SEC14L5: variants seen among roughly 807,000 people sequenced by gnomAD.
SEC14L5 encodes SEC14-like protein 5.
SEC14L5 carries 96 observed loss-of-function variants against 84.6 expected under a neutral mutation model. The ratio of observed to expected loss-of-function variants is 1.13; its 90% CI spans 0.96 to 1.34. SEC14L5 has a LOEUF of 1.34. SEC14L5 is among the 40% of genes most tolerant of loss of function. The probability of loss-of-function intolerance (pLI) is 0.00; values close to 1 mark genes in which losing one functional copy is unlikely to be tolerated. For synonymous variants in SEC14L5, 546 were observed against 383.4 expected, an observed-to-expected ratio of 1.42 and a Z score of -4.95; for missense variants, 1,224 against 942.5, an observed-to-expected ratio of 1.30 and a Z score of -3.91.
In SEC14L5 at chr16:5,008,470, A is replaced by G; in HGVS notation, c.1622A>G (p.Asp541Gly). The G allele has an allele frequency of 6.2e-7, 1 of 1,613,456 alleles. No homozygotes were observed. The highest frequency in any genetic ancestry group is 8.5e-7 in the Non-Finnish European group (1 of 1,179,758). ...GAGTCGGTCATCACCTGGGACTTTGACATCCTGCGAGGGGACGTGGTGTTC... is the reference window on the plus strand; with the variant it reads ...GAGTCGGTCATCACCTGGGACTTTGGCATCCTGCGAGGGGACGTGGTGTTC... Reference protein sequence around the residue: ...EGESVITWDFDILRGDVVFSL... With the variant: ...EGESVITWDFGILRGDVVFSL... Residue 541 changes from aspartate (D) to glycine (G), a missense_variant, in exon 14 of 16, where the codon GAC (aspartate) becomes GGC (glycine). Asp to Gly is a moderately conservative substitution (Grantham distance 94). Coordinates refer to ENST00000251170, the MANE Select transcript of SEC14L5 (RefSeq NM_014692.2).
At chr16:5,000,556 C>A (rs1955663409) in intron 8 of SEC14L5, 99 bp from the exon 9 acceptor site, 2 of 894,820 alleles carry the variant, frequency 2.2e-6, no homozygotes, top group Non-Finnish European at 1.8e-6. Context: ...TGGGTTGCAG[C>A]CTGAGGAGGT....
chr16:4,996,404 C>T lies in SEC14L5; in HGVS notation c.724C>T (p.Gln242Ter). 6.4e-7 allele frequency: 1 copy of T among 1,573,840 alleles called. No homozygotes were observed. The highest frequency in any genetic ancestry group is 1.2e-5 in the South Asian group (1 of 85,146). The change falls in exon 7 of 16, where the codon CAG (glutamine) becomes TAG (stop). Residue 242 changes from glutamine (Q) to a stop codon, truncating the protein, a stop_gained. Coordinates refer to ENST00000251170, the MANE Select transcript of SEC14L5 (RefSeq NM_014692.2). LOFTEE classifies it high-confidence loss of function. The stretch of plus-strand genomic sequence containing the variant: ...GTGCCTGGGCCACCTCACGCCCATG[C>T]AGGAGAGCTGCCTGATCCAGCTTCG... ...ERCLGHLTPMQESCLIQLRHW... is the reference protein window; with the variant it reads ...ERCLGHLTPM
At chr16:4,979,729 C>G (rs917037495) in intron 2 of SEC14L5, among the ~76,000 whole-genome samples, 1 of 6,136 alleles carries the variant, frequency 1.6e-4, no homozygotes, top group African/African-American at 1.8e-4. Context: ...TTTTCTTGCT[C>G]CTGTCATTTT....
chr16:4,989,332 T>G (rs929306999), intron 4 of SEC14L5, among the ~76,000 whole-genome samples: 4 of 150,364 alleles, frequency 2.7e-5, no homozygotes, highest in Admixed American at 6.6e-5. Context: ...GTTTTGTTTT[T>G]TTTTTTGTTT....
chr16:4,960,655 T>A (rs1280194061), intron 2 of SEC14L5: 1 of 152,166 alleles, frequency 6.6e-6, no homozygotes, highest in African/African-American at 2.4e-5. Context: ...ACGAGCTGAG[T>A]GACTGTGGGG....
chr16:4,978,036 A>T (rs1272951193), intron 2 of SEC14L5, among the ~76,000 whole-genome samples: 4 of 148,534 alleles, frequency 2.7e-5, no homozygotes, highest in Admixed American at 2.0e-4. Context: ...TCCTGGCCTC[A>T]AGTGATCCAC....
intron 2 of SEC14L5, among the ~76,000 whole-genome samples, chr16:4,979,125 A>G (rs1955388053): frequency 6.6e-6 from 1 of 152,198 alleles, no homozygotes; most frequent in South Asian, 2.1e-4. Flanking sequence ...GGAGACAGAC[A>G]CATTTTCAAA....
rs180872935 is a variant in SEC14L5 at position 5,016,714 on chromosome 16, A to G, written c.*1744A>G. 26 of 152,338 alleles carry G rather than the reference A, an allele frequency of 1.7e-4. No individual in the cohort carries two copies. In the East Asian group the frequency reaches 4.4e-3, roughly 26 times the overall value. 9.4% of individuals were successfully genotyped at this position (152,338 alleles called of 1,614,324 possible). A position where few individuals can be genotyped will look rare whatever the true frequency, so the allele number is the denominator to read the frequency against. On this transcript the variant is annotated 3_prime_UTR_variant, in exon 16 of 16. Transcript: ENST00000251170. ...GAATCATCTTTATGCAGGCTCAGCA[A>G]TGCAGGGCCAGGAAACTTATATCTA...
At chr16:4,987,528 A>T in intron 2 of SEC14L5, 29 bp from the exon 3 acceptor site, 1 of 1,377,382 alleles carries the variant, frequency 7.3e-7, no homozygotes, top group Non-Finnish European at 9.7e-7. Flanking sequence ...CCCCCCCACC[A>T]CGGCCGCTCA....
Position 4,982,885 on chromosome 16 carries a change from C to T in SEC14L5, c.64-4672C>T, listed in dbSNP as rs567574213. The stretch of plus-strand genomic sequence containing the variant: ...GTGCTGTCAGCCAGGGTGAGACCCT[C>T]TAATGGCTCACAGGAAGCACATTAC... On this transcript the variant is annotated intron_variant, in intron 2 of 15. Coordinates refer to ENST00000251170, the MANE Select transcript of SEC14L5 (RefSeq NM_014692.2). Among the ~76,000 whole-genome samples, 68 of 152,188 alleles carry T rather than the reference C, an allele frequency of 4.5e-4. 4 individuals are homozygous for T. In the South Asian group the frequency reaches 0.013, roughly 29 times the overall value.
At chr16:4,983,912 ATAAATAG>A (rs1375587180) in intron 2 of SEC14L5, among the ~76,000 whole-genome samples, 2 of 144,042 alleles carry the variant, frequency 1.4e-5, no homozygotes, top group Admixed American at 1.4e-4. Flanking sequence ...AAATAAATAA[ATAAATAG>A]TATATGTATA....
At chr16:4,968,974 G>C (rs1472502132) in intron 2 of SEC14L5, among the ~76,000 whole-genome samples, 1 of 152,236 alleles carries the variant, frequency 6.6e-6, no homozygotes, top group Non-Finnish European at 1.5e-5. Context: ...TTGTGGCTTA[G>C]GCCAAAAGCA....
chr16:4,980,427 C>G (rs1955407734), intron 2 of SEC14L5, among the ~76,000 whole-genome samples: 1 of 152,166 alleles, frequency 6.6e-6, no homozygotes, highest in Non-Finnish European at 1.5e-5. Context: ...CCAGACCGGG[C>G]CTTTCTAACA....
Position 5,014,943 on chromosome 16 carries a change from T to G in SEC14L5, c.2064T>G (p.Ser688=). 6.2e-7 allele frequency: 1 copy of G among 1,611,998 alleles called. No homozygotes were observed. The highest frequency in any genetic ancestry group is 8.5e-7 in the Non-Finnish European group (1 of 1,179,824). ...AATSSSSSGQ[S]HSSSLVSR Reference sequence around the variant, plus strand: ...CCTCGTCCTCCTCCTCCGGCCAGTCTCATAGCAGCTCCCTGGTCTCCAGAT... The same window carrying G: ...CCTCGTCCTCCTCCTCCGGCCAGTCGCATAGCAGCTCCCTGGTCTCCAGAT... The change falls in exon 16 of 16, where the codon TCT becomes TCG. Residue 688 remains serine (S), a synonymous_variant. Transcript: ENST00000251170.
At chr16:4,988,362 C>T (rs769881842) in intron 4 of SEC14L5, 82 bp downstream of exon 4, 48 of 1,525,776 alleles carry the variant, frequency 3.1e-5, no homozygotes, top group Non-Finnish European at 4.1e-5. Flanking sequence ...TGTGTCCCCA[C>T]ATTCCTTGAG....
chr16:5,013,411 G>A (rs949466259), intron 15 of SEC14L5, among the ~76,000 whole-genome samples: 11 of 152,192 alleles, frequency 7.2e-5, no homozygotes, highest in Admixed American at 6.5e-5. Flanking sequence ...TTTGGAGACA[G>A]AGTCTCGCTC....
chr16:4,970,158 A>G (rs1407096345), intron 2 of SEC14L5, among the ~76,000 whole-genome samples: 1 of 152,122 alleles, frequency 6.6e-6, no homozygotes, highest in African/African-American at 2.4e-5. Context: ...AGCCCTCAGC[A>G]TAGTCTATTG....
rs1371565195 is a variant in SEC14L5, at chr16:5,006,095, A to G, written c.1437+47A>G. On this transcript the variant is annotated intron_variant, in intron 12 of 15. Transcript: ENST00000251170. ...ACAGACCTGGGCTTGAGGAGGGGGC[A>G]TGCCTAGCTGGGAGGCTGGGATTCC... The G allele has an allele frequency of 5.0e-6, 8 of 1,599,188 alleles. No individual in the cohort carries two copies. In the East Asian group the frequency reaches 1.1e-4, roughly 22 times the overall value.
At chr16:4,987,457 TC>T (rs1466979251) in intron 2 of SEC14L5, 99 bp from the exon 3 acceptor site, 4 of 1,054,368 alleles carry the variant, frequency 3.8e-6, no homozygotes, top group Middle Eastern at 4.3e-4. Context: ...GGGCTGCCTT[TC>T]CCGTCTGATA....
Sources: gnomAD v4.1 joint callset for allele counts (sites outside exome capture counted in the v4.1 genomes callset) on GRCh38, gnomAD v4.1.1 for gene constraint, MANE v1.5 for transcripts, NCBI Gene and HGNC (gene_info 2026-07-23, HGNC 2026-07-21) for gene names.